Variants in ASXL1 observed in about 807,000 individuals in gnomAD.
ASXL1 encodes the protein ASXL transcriptional regulator 1, also known as polycomb group protein ASXL1.
ASXL1 carries 65 observed loss-of-function variants against 89.1 expected under a neutral mutation model. The ratio of observed to expected loss-of-function variants is 0.73; its 90% CI spans 0.60 to 0.90. The LOEUF (loss-of-function observed/expected upper bound fraction) is 0.90, where lower values mean the gene tolerates loss of function less well. Among genes scored for constraint, ASXL1 ranks in the 40% least tolerant of loss-of-function variants. The pLI is 0.00. For synonymous variants in ASXL1, 739 were observed against 746.9 expected, an observed-to-expected ratio of 0.99 and a Z score of 0.17; for missense variants, 1,786 against 1,942.9, an observed-to-expected ratio of 0.92 and a Z score of 1.52.
In ASXL1 at chr20:32,433,559, C is replaced by CT; in HGVS notation, c.1362dup (p.Lys455Ter). ...GTTCCCCTCTACAAGGATGGGGAGG[C>CT]TAAGACTGACCCAGCAGGGCTGAGC... On this transcript the variant is annotated frameshift_variant, in exon 12 of 13. Coordinates refer to ENST00000375687, the MANE Select transcript of ASXL1 (RefSeq NM_015338.6). LOFTEE classifies it high-confidence loss of function. The CT allele has an allele frequency of 1.2e-6, 2 of 1,614,160 alleles. No individual in the cohort carries two copies. Among genetic ancestry groups the CT allele is most frequent in the Non-Finnish European group, 1.7e-6 (2 of 1,180,024 alleles).
rs2048047228 is a variant in ASXL1 at position 32,358,393 on chromosome 20, G to A, written c.-383G>A. The A allele has an allele frequency of 8.6e-6, 2 of 233,810 alleles. No individual in the cohort carries two copies. The highest frequency in any genetic ancestry group is 6.0e-5 in the East Asian group (1 of 16,608). 14.5% of individuals were successfully genotyped at this position (233,810 alleles called of 1,614,324 possible). ...ACCCGGGCGCCGAAGGGAAAGCCGC[G>A]TCTCGCCCTCCCGCCCCGCCGTCGG... is the stretch of plus-strand genomic sequence containing the variant. On this transcript the variant is annotated 5_prime_UTR_variant, in exon 1 of 13. Transcript: ENST00000375687.
At chr20:32,428,652 CTTTTTTTTT>C (rs35966674) in intron 6 of ASXL1, 20 of 147,898 alleles carry the variant, frequency 1.4e-4, no homozygotes, top group South Asian at 5.4e-4. Flanking sequence ...TTTGTTCATT[CTTTTTTTTT>C]TTTTTTTTTT....
At position 32,436,413 on chromosome 20, in the gene ASXL1, A is replaced by G; in HGVS notation, c.3701A>G (p.Gln1234Arg). ...CTGGAAGAAATGGATTCCAAAGAGC[A>G]GTTCTCTTCCTTTAGTTGTGAAGAT... The part of the protein sequence containing the change: ...RKLEEMDSKE[Q>R]FSSFSCEDQK... The change falls in exon 13 of 13, where the codon CAG (glutamine) becomes CGG (arginine). Residue 1234 changes from glutamine (Q) to arginine (R), a missense_variant. Physicochemically the swap from Gln to Arg is conservative, Grantham distance 43. Transcript: ENST00000375687. 1 of 1,613,974 alleles carries G rather than the reference A, an allele frequency of 6.2e-7. No homozygotes were observed. Among genetic ancestry groups the G allele is most frequent in the East Asian group, 2.2e-5 (1 of 44,882 alleles).
intron 4 of ASXL1, among the ~76,000 whole-genome samples, chr20:32,414,256 C>T (rs2049098504): frequency 6.6e-6 from 1 of 150,856 alleles, no homozygotes; most frequent in Non-Finnish European, 1.5e-5. Flanking sequence ...GGCTTTCTTC[C>T]TCTGGACCTT....
At chr20:32,389,176 T>G (rs775775071) in intron 4 of ASXL1, among the ~76,000 whole-genome samples, 1 of 152,232 alleles carries the variant, frequency 6.6e-6, no homozygotes, top group African/African-American at 2.4e-5. Flanking sequence ...TAATAATTTT[T>G]CCTGCTTTAA....
chr20:32,435,212 C>A lies in ASXL1; in HGVS notation c.2500C>A (p.His834Asn). The A allele has an allele frequency of 6.2e-7, 1 of 1,614,010 alleles. No individual in the cohort carries two copies. The highest frequency in any genetic ancestry group is 8.5e-7 in the Non-Finnish European group (1 of 1,180,032). ...AGGAACTGGCCAAGCTCTTGACAGT[C>A]ATCCCACTATGAAGGATCCTGTAAA... ...EKGTGQALDS[H>N]PTMKDPVNVT... The change falls in exon 13 of 13, where the codon CAT (histidine) becomes AAT (asparagine). Residue 834 changes from histidine (H) to asparagine (N), a missense_variant. By Grantham distance (68) the His-to-Asn change is moderately conservative. Coordinates refer to ENST00000375687, the MANE Select transcript of ASXL1 (RefSeq NM_015338.6).
chr20:32,366,322 TATGG>T, intron 1 of ASXL1, 58 bp from the exon 2 acceptor site: 2 of 1,411,374 alleles, frequency 1.4e-6, no homozygotes, highest in South Asian at 1.2e-5. Context: ...GCCCATGATA[TATGG>T]ATGGATGGAT....
rs886056591 is a variant in ASXL1 at position 32,358,682 on chromosome 20, C to G, written c.-94C>G. 1.2e-3 allele frequency: 598 copies of G among 500,694 alleles called. No individual in the cohort carries two copies. The highest frequency in any genetic ancestry group is 1.5e-3 in the Non-Finnish European group (552 of 371,364). The allele number at this position is 500,694 out of a possible 1,614,324, so 31.0% of individuals were successfully genotyped here. On this transcript the variant is annotated 5_prime_UTR_variant, in exon 1 of 13. Coordinates refer to ENST00000375687, the MANE Select transcript of ASXL1 (RefSeq NM_015338.6). ...CGCGCCGCCGCTGCCACGCGCCCCCCCCACCGCCGCCGCCGCCCCAGCCCC... is the reference window on the plus strand; with the variant it reads ...CGCGCCGCCGCTGCCACGCGCCCCCGCCACCGCCGCCGCCGCCCCAGCCCC...
At chr20:32,412,252 C>T (rs1484770602) in intron 4 of ASXL1, among the ~76,000 whole-genome samples, 2 of 152,310 alleles carry the variant, frequency 1.3e-5, no homozygotes, top group East Asian at 3.9e-4. Flanking sequence ...CAACATTGAA[C>T]AACCTGGCTT....
chr20:32,377,512 A>T (rs2048405977), intron 4 of ASXL1, among the ~76,000 whole-genome samples: 1 of 152,008 alleles, frequency 6.6e-6, no homozygotes, highest in Non-Finnish European at 1.5e-5. Context: ...TTGAGACATG[A>T]AGTGTTTTGG....
chr20:32,364,358 G>A (rs1348908517), intron 1 of ASXL1, among the ~76,000 whole-genome samples: 1 of 151,688 alleles, frequency 6.6e-6, no homozygotes, highest in African/African-American at 2.4e-5. Context: ...TGGGATTACG[G>A]GCATGAGCCA....
At chr20:32,373,329 A>G (rs563581755) in intron 4 of ASXL1, among the ~76,000 whole-genome samples, 10 of 152,118 alleles carry the variant, frequency 6.6e-5, no homozygotes, top group Middle Eastern at 3.4e-3. Context: ...GTGAGCTGAG[A>G]TCGTGCCATT....
intron 4 of ASXL1, among the ~76,000 whole-genome samples, chr20:32,407,619 A>C (rs1191658845): frequency 2.0e-5 from 3 of 151,128 alleles, no homozygotes; most frequent in Non-Finnish European, 4.4e-5. Flanking sequence ...ACGTGCCACC[A>C]CTCCTGGCCC....
rs372100645 is a variant in ASXL1, at chr20:32,378,579, T to C, written c.252+9456T>C. 7.8e-4 allele frequency among the ~76,000 whole-genome samples: 119 copies of C among 152,312 alleles called. 1 individual carries two copies. The highest frequency in any genetic ancestry group is 2.7e-3 in the African/African-American group (113 of 41,578). ...GAATTCTTTTTTCTTAAGCTTTTCC[T>C]AAAGTCATGTGTCAGTGTTGATTAT... is the stretch of plus-strand genomic sequence containing the variant. On this transcript the variant is annotated intron_variant, in intron 4 of 12. Coordinates refer to ENST00000375687, the MANE Select transcript of ASXL1 (RefSeq NM_015338.6).
chr20:32,404,784 G>A (rs2048928283), intron 4 of ASXL1, among the ~76,000 whole-genome samples: 1 of 152,064 alleles, frequency 6.6e-6, no homozygotes, highest in South Asian at 2.1e-4. Context: ...TTTTATAGAT[G>A]GTCTTTATCA....
chr20:32,375,549 C>T (rs1001676826), intron 4 of ASXL1, among the ~76,000 whole-genome samples: 1 of 152,068 alleles, frequency 6.6e-6, no homozygotes, highest in Admixed American at 6.5e-5. Flanking sequence ...GTGTATAATA[C>T]ATAGTCCATA....
intron 1 of ASXL1, chr20:32,359,640 A>T: frequency 5.6e-6 from 4 of 715,102 alleles, no homozygotes; most frequent in Non-Finnish European, 1.0e-5. Flanking sequence ...CTTTGCAAAG[A>T]ATGTATGTTG....
At chr20:32,398,754 C>T (rs1345076189) in intron 4 of ASXL1, among the ~76,000 whole-genome samples, 2 of 149,886 alleles carry the variant, frequency 1.3e-5, no homozygotes, top group African/African-American at 4.9e-5. Flanking sequence ...GGACTACAGG[C>T]GCCCGCCACT....
chr20:32,376,000 A>G (rs2048371580), intron 4 of ASXL1, among the ~76,000 whole-genome samples: 1 of 151,976 alleles, frequency 6.6e-6, no homozygotes, highest in Admixed American at 6.6e-5. Context: ...TACATTTTTT[A>G]AGGACTAATA....
Sources: allele counts gnomAD v4.1 joint callset (sites outside exome capture counted in the v4.1 genomes callset), GRCh38; gene constraint gnomAD v4.1.1; transcripts MANE v1.5; gene names NCBI Gene and HGNC (gene_info 2026-07-23, HGNC 2026-07-21).